The following PARL variants were observed in gnomAD, a reference collection of about 807,000 sequenced individuals.
The protein encoded by PARL is presenilin-associated rhomboid-like protein, mitochondrial.
In PARL, 44 loss-of-function variants were observed where a neutral mutation model predicts 51.6. The observed-to-expected ratio is 0.85, with a 90% CI of 0.67 to 1.10. PARL has a LOEUF of 1.10. Among genes scored for constraint, PARL ranks in the 50% least tolerant of loss-of-function variants. The pLI is 0.00. For missense variants in PARL, 441 were observed against 469.5 expected, an observed-to-expected ratio of 0.94 and a Z score of 0.56; for synonymous variants, 172 against 164.0, an observed-to-expected ratio of 1.05 and a Z score of -0.37.
intron 2 of PARL, among the ~76,000 whole-genome samples, 160 bp from the exon 3 acceptor site, chr3:183,866,925 C>A (rs199558489): frequency 7.6e-6 from 1 of 132,050 alleles, no homozygotes; most frequent in African/African-American, 2.9e-5. Flanking sequence ...TTTTTTTTTT[C>A]TTTTTGAGAT....
At chr3:183,862,712 C>A (rs2108665319) in intron 4 of PARL, 41 bp downstream of exon 4, 1 of 1,548,588 alleles carries the variant, frequency 6.5e-7, no homozygotes, top group Non-Finnish European at 8.9e-7. Context: ...GGTTTGATTT[C>A]TCTTCCCTTG....
intron 4 of PARL, among the ~76,000 whole-genome samples, chr3:183,854,732 T>G (rs79576628): frequency 7.5e-4 from 109 of 144,954 alleles, no homozygotes; most frequent in African/African-American, 2.7e-3. Flanking sequence ...TATTTCATGT[T>G]TTTTTTTTTT....
intron 4 of PARL, among the ~76,000 whole-genome samples, chr3:183,851,596 C>A (rs1240611365): frequency 1.3e-5 from 2 of 152,050 alleles, no homozygotes; most frequent in African/African-American, 4.8e-5. Context: ...CAGTGATACA[C>A]CCCTTCACAC....
At chr3:183,840,484 A>G (rs1729163043) in intron 7 of PARL, 86 bp downstream of exon 7, 2 of 696,574 alleles carry the variant, frequency 2.9e-6, no homozygotes. Flanking sequence ...CCTCTTATCA[A>G]TTTTACAACA....
chr3:183,829,373 A>G lies in PARL; in HGVS notation c.*225T>C. On this transcript the variant is annotated 3_prime_UTR_variant, in exon 10 of 10. Transcript: ENST00000317096. Reference sequence around the variant, plus strand: ...AGAGCCGTGTCGGCCCCTTAAAGAGAGAACACACACATCTGCTTACAAACT... The same window carrying G: ...AGAGCCGTGTCGGCCCCTTAAAGAGGGAACACACACATCTGCTTACAAACT... The G allele has an allele frequency of 1.4e-6, 2 of 1,438,176 alleles. No homozygotes were observed. The highest frequency in any genetic ancestry group is 1.4e-5 in the South Asian group (1 of 69,920). 89.1% of individuals were successfully genotyped at this position (1,438,176 alleles called of 1,614,324 possible).
intron 1 of PARL, among the ~76,000 whole-genome samples, chr3:183,869,902 C>T (rs1228476374): frequency 6.6e-6 from 1 of 152,058 alleles, no homozygotes; most frequent in Non-Finnish European, 1.5e-5. Flanking sequence ...ATAGAATTAA[C>T]TCATTCTCCT....
rs529091335 is a variant in PARL, at chr3:183,867,999, G to A, written c.187C>T (p.Arg63Ter). Residue 63 changes from arginine to a stop codon, truncating the protein, a stop_gained, in exon 2 of 10, where the codon CGA becomes TGA. Coordinates refer to ENST00000317096, the MANE Select transcript of PARL (RefSeq NM_018622.7). LOFTEE classifies it high-confidence loss of function. ...FRKAPRKVEP[R>*]RSDPGTSGEA... ...CCACTTGTCCCTGGGTCTGATCTTC[G>A]AGGTTCAACCTTCCTGGGTGCTTTT... 2.2e-5 allele frequency: 36 copies of A among 1,614,120 alleles called. No individual in the cohort carries two copies. The highest frequency in any genetic ancestry group is 6.7e-5 in the African/African-American group (5 of 75,024).
intron 4 of PARL, among the ~76,000 whole-genome samples, chr3:183,857,547 C>T (rs144042276): frequency 2.8e-3 from 424 of 152,112 alleles, no homozygotes; most frequent in African/African-American, 9.6e-3. Context: ...GATATAAATG[C>T]CTATATATAA....
intron 4 of PARL, among the ~76,000 whole-genome samples, chr3:183,854,330 G>A (rs891218805): frequency 5.3e-5 from 8 of 152,122 alleles, no homozygotes; most frequent in Non-Finnish European, 1.0e-4. Context: ...ACAAGAGGTA[G>A]AAATAACTCA....
intron 1 of PARL, among the ~76,000 whole-genome samples, chr3:183,876,481 A>G (rs12696511): frequency 0.77 from 117,516 of 152,012 alleles, 45,863 homozygotes; most frequent in East Asian, 0.96. Context: ...GAAGATGAAT[A>G]TTGTTTTCAT....
downstream of PARL, among the ~76,000 whole-genome samples, chr3:183,828,736 C>A (rs117723918): frequency 4.2e-4 from 64 of 152,288 alleles, no homozygotes; most frequent in East Asian, 0.01. Context: ...GAAATCAGGG[C>A]CTTCGATCCT....
At chr3:183,829,032 A>G (rs1727623416), downstream of PARL, among the ~76,000 whole-genome samples, 1 of 152,114 alleles carries the variant, frequency 6.6e-6, no homozygotes, top group African/African-American at 2.4e-5. Context: ...CTACCTCTTA[A>G]TTTATCTACA....
chr3:183,882,400 T>TAC (rs1429220568), intron 1 of PARL, among the ~76,000 whole-genome samples: 107 of 141,728 alleles, frequency 7.5e-4, no homozygotes, highest in African/African-American at 2.5e-3. Flanking sequence ...TATGCACATA[T>TAC]ACACACACAT....
chr3:183,863,375 G>A (rs916374459), intron 3 of PARL, among the ~76,000 whole-genome samples: 4 of 151,948 alleles, frequency 2.6e-5, no homozygotes, highest in African/African-American at 9.7e-5. Flanking sequence ...GGAAAAAAAG[G>A]GAAATAGATG....
At chr3:183,827,703 C>T (rs532013906), downstream of PARL, among the ~76,000 whole-genome samples, 3 of 152,184 alleles carry the variant, frequency 2.0e-5, 1 homozygote, top group South Asian at 4.1e-4. Flanking sequence ...ACCGATTGCT[C>T]GTGTCACTCC....
At chr3:183,857,367 G>A (rs552840245) in intron 4 of PARL, among the ~76,000 whole-genome samples, 2 of 152,236 alleles carry the variant, frequency 1.3e-5, no homozygotes, top group Admixed American at 1.3e-4. Context: ...TTGTACATCT[G>A]ACATATTCAC....
chr3:183,844,531 T>C, intron 4 of PARL: 1 of 531,814 alleles, frequency 1.9e-6, no homozygotes, highest in South Asian at 2.4e-5. Context: ...ACAGAATTCC[T>C]GGGAAATTGT....
At chr3:183,829,794 T>C (rs897778097) in intron 9 of PARL, 85 bp from the exon 10 acceptor site, 4 of 1,121,650 alleles carry the variant, frequency 3.6e-6, no homozygotes, top group Admixed American at 3.4e-5. Flanking sequence ...CAAGTTGACA[T>C]TTTTAAAATC....
chr3:183,856,924 C>T (rs1305910440), intron 4 of PARL, among the ~76,000 whole-genome samples: 1 of 152,164 alleles, frequency 6.6e-6, no homozygotes, highest in Non-Finnish European at 1.5e-5. Flanking sequence ...TAAAAATATA[C>T]TTGTACAAGG....
Sources: gnomAD v4.1 joint callset for allele counts (sites outside exome capture counted in the v4.1 genomes callset) on GRCh38, gnomAD v4.1.1 for gene constraint, MANE v1.5 for transcripts, NCBI Gene and HGNC (gene_info 2026-07-23, HGNC 2026-07-21) for gene names.